Variants in UNC13B observed in about 807,000 individuals in gnomAD.
UNC13B encodes the protein protein unc-13 homolog B.
UNC13B carries 144 observed loss-of-function variants against 211.0 expected under a neutral mutation model. The ratio of observed to expected loss-of-function variants is 0.68; its 90% CI spans 0.60 to 0.78. UNC13B has a LOEUF of 0.78. Ranked by LOEUF, UNC13B falls within the 30% of genes least tolerant of loss-of-function variation. UNC13B has a pLI of 0.00. For synonymous variants in UNC13B, 709 were observed against 725.8 expected (o/e 0.98, Z 0.37); for missense variants, 1,777 against 2,002.0 (o/e 0.89, Z 2.14).
chr9:35,324,165 G>A (rs113479573), intron 11 of UNC13B, among the ~76,000 whole-genome samples: 3 of 152,164 alleles, frequency 2.0e-5, no homozygotes, highest in Admixed American at 2.0e-4. Context: ...TTCAAATCTA[G>A]ATCTATTTAA....
At chr9:35,296,593 C>A (rs1427781129) in intron 8 of UNC13B, among the ~76,000 whole-genome samples, 2 of 151,976 alleles carry the variant, frequency 1.3e-5, no homozygotes, top group Non-Finnish European at 2.9e-5. Flanking sequence ...TGTGCTCTCC[C>A]CTGCCCTAAG....
chr9:35,267,358 A>G (rs1219285715), intron 7 of UNC13B, among the ~76,000 whole-genome samples: 2 of 152,196 alleles, frequency 1.3e-5, no homozygotes, highest in African/African-American at 4.8e-5. Flanking sequence ...GTGACTAAGG[A>G]CTGGAGGAGA....
rs748577982 is a variant in UNC13B, at chr9:35,301,037, G to C, written c.1633G>C (p.Glu545Gln). ...AVGSLFSSLT[E>Q]KVGSGTKHLT... ...TGGTTCTTTGTTTAGTTCACTCACA[G>C]AAAAAGTGGGTTCAGGCACAAAGCA... The change falls in exon 9 of 40, where the codon GAA becomes CAA. Residue 545 changes from glutamate to glutamine, a missense_variant. By Grantham distance (29) the Glu-to-Gln change is conservative. Coordinates refer to ENST00000635942, the MANE Select transcript of UNC13B (RefSeq NM_001371189.2). The C allele has an allele frequency of 2.5e-5, 10 of 398,894 alleles. 1 individual carries two copies. Among genetic ancestry groups the C allele is most frequent in the Middle Eastern group, 6.3e-4 (1 of 1,588 alleles). The allele number at this position is 398,894 out of a possible 1,614,324, so 24.7% of individuals were successfully genotyped here. A position where few individuals can be genotyped will look rare whatever the true frequency, so the allele number is the denominator to read the frequency against.
At chr9:35,367,828 C>T (rs1056235600) in intron 12 of UNC13B, among the ~76,000 whole-genome samples, 3 of 152,204 alleles carry the variant, frequency 2.0e-5, no homozygotes, top group African/African-American at 7.2e-5. Flanking sequence ...CTGTAACTGA[C>T]TGTTCTTAAA....
At chr9:35,380,988 C>T (rs2132253688) in intron 18 of UNC13B, 112 bp from the exon 19 acceptor site, 3 of 1,021,048 alleles carry the variant, frequency 2.9e-6, no homozygotes, top group Admixed American at 2.7e-5. Context: ...CTTGGGTTGG[C>T]CCCTTCTTTT....
intron 12 of UNC13B, 134 bp from the exon 13 acceptor site, chr9:35,370,184 C>T (rs117643769): frequency 2.3e-5 from 15 of 640,564 alleles, no homozygotes; most frequent in African/African-American, 1.3e-4. Context: ...CTTTCCTTCC[C>T]GTCCTAAAAG....
At chr9:35,285,078 G>T (rs1007141482) in intron 7 of UNC13B, among the ~76,000 whole-genome samples, 2 of 152,160 alleles carry the variant, frequency 1.3e-5, no homozygotes, top group African/African-American at 2.4e-5. Flanking sequence ...CCAGCCTAGG[G>T]GATGGGGATA....
At chr9:35,281,926 G>C (rs139753721) in intron 7 of UNC13B, among the ~76,000 whole-genome samples, 1 of 152,236 alleles carries the variant, frequency 6.6e-6, no homozygotes, top group East Asian at 1.9e-4. Context: ...TTCGGTGGAG[G>C]GAATAAGAAG....
intron 1 of UNC13B, among the ~76,000 whole-genome samples, chr9:35,211,830 G>A (rs936756720): frequency 3.3e-5 from 5 of 152,178 alleles, no homozygotes; most frequent in African/African-American, 1.2e-4. Flanking sequence ...GTGTGGTAGT[G>A]CATGTCTGTA....
In UNC13B at chr9:35,382,354, C is replaced by G; in HGVS notation, c.10656-3C>G. Reference sequence around the variant, plus strand: ...TTGAGGCTGCGGGTGCTGTGTTTTTCAGGCACTTTGCATGTTTATCATCCA... The same window carrying G: ...TTGAGGCTGCGGGTGCTGTGTTTTTGAGGCACTTTGCATGTTTATCATCCA... On this transcript the variant is annotated splice_region_variant and splice_polypyrimidine_tract_variant and intron_variant, in intron 20 of 39. Transcript: ENST00000635942. The G allele has an allele frequency of 6.2e-7, 1 of 1,609,574 alleles. No individual in the cohort carries two copies.
intron 1 of UNC13B, among the ~76,000 whole-genome samples, chr9:35,173,074 T>C (rs1191369588): frequency 6.6e-6 from 1 of 152,140 alleles, no homozygotes; most frequent in Non-Finnish European, 1.5e-5. Flanking sequence ...TCATTGTAAA[T>C]GATGTTGAGA....
At chr9:35,356,439 T>G (rs1311252558) in intron 11 of UNC13B, among the ~76,000 whole-genome samples, 1 of 152,130 alleles carries the variant, frequency 6.6e-6, no homozygotes, top group African/African-American at 2.4e-5. Flanking sequence ...TGTATAAAAT[T>G]CAATTCTTTT....
chr9:35,277,618 C>T (rs763393230), intron 7 of UNC13B, among the ~76,000 whole-genome samples: 3 of 151,624 alleles, frequency 2.0e-5, no homozygotes, highest in African/African-American at 4.8e-5. Flanking sequence ...TATATTTTCT[C>T]GGGGGGTTCT....
chr9:35,370,261 C>A, intron 12 of UNC13B, 57 bp from the exon 13 acceptor site: 1 of 1,506,686 alleles, frequency 6.6e-7, no homozygotes, highest in Non-Finnish European at 9.2e-7. Flanking sequence ...AACACTGAAC[C>A]CACCAGCTAA....
chr9:35,167,754 A>AT (rs765603183), intron 1 of UNC13B, among the ~76,000 whole-genome samples: 6,690 of 115,642 alleles, frequency 0.058, 456 homozygotes, highest in African/African-American at 0.16. Flanking sequence ...TGCCTGGCTA[A>AT]TTTTTTTTTT....
At chr9:35,356,077 A>G (rs75735943) in intron 11 of UNC13B, among the ~76,000 whole-genome samples, 3,808 of 152,332 alleles carry the variant, frequency 0.025, 89 homozygotes, top group South Asian at 0.11. Context: ...AAAGCAAGTC[A>G]CAGTTCTGGG....
At chr9:35,207,168 G>T (rs1823703665) in intron 1 of UNC13B, among the ~76,000 whole-genome samples, 1 of 152,180 alleles carries the variant, frequency 6.6e-6, no homozygotes, top group Admixed American at 6.5e-5. Flanking sequence ...CCTAATGGGT[G>T]TGAAATGATA....
intron 5 of UNC13B, among the ~76,000 whole-genome samples, chr9:35,240,489 T>C (rs760044883): frequency 6.6e-6 from 1 of 152,166 alleles, no homozygotes; most frequent in Non-Finnish European, 1.5e-5. Context: ...TGTGGGACTG[T>C]AGACCAAGCT....
intron 7 of UNC13B, among the ~76,000 whole-genome samples, chr9:35,285,695 G>A (rs537647511): frequency 5.9e-5 from 9 of 152,224 alleles, no homozygotes; most frequent in African/African-American, 2.2e-4. Flanking sequence ...GGCAAGACCT[G>A]GTTTCTAAAA....
Sources: allele counts gnomAD v4.1 joint callset (sites outside exome capture counted in the v4.1 genomes callset), GRCh38; gene constraint gnomAD v4.1.1; transcripts MANE v1.5; gene names NCBI Gene and HGNC (gene_info 2026-07-23, HGNC 2026-07-21).